NCOR2: variants seen among roughly 807,000 people sequenced by gnomAD.
NCOR2 encodes nuclear receptor corepressor 2.
NCOR2 carries 81 observed loss-of-function variants against 262.9 expected under a neutral mutation model. The observed-to-expected ratio is 0.31, with a 90% confidence interval of 0.26 to 0.37. The LOEUF is 0.37. NCOR2 is among the 10% of genes least tolerant of loss of function. NCOR2 has a pLI of 1.00. For synonymous variants in NCOR2, 1,659 were observed against 1,559.3 expected (o/e 1.06, Z -1.51); for missense variants, 3,385 against 3,621.4 (o/e 0.93, Z 1.68).
intron 12 of NCOR2, among the ~76,000 whole-genome samples, chr12:124,420,945 C>T (rs1046612777): frequency 6.6e-6 from 1 of 152,250 alleles, no homozygotes; most frequent in Admixed American, 6.5e-5. Context: ...GGCTCCCAGG[C>T]GGCCCCAGGC....
At chr12:124,374,647 T>C (rs2039848131) in intron 18 of NCOR2, among the ~76,000 whole-genome samples, 184 bp from the exon 21 acceptor site, 1 of 152,248 alleles carries the variant, frequency 6.6e-6, no homozygotes, top group Non-Finnish European at 1.5e-5. Flanking sequence ...CTCTGGGCTC[T>C]GGCCAGCGGC....
At chr12:124,514,982 C>T (rs949920156) in intron 1 of NCOR2, among the ~76,000 whole-genome samples, 8 of 152,066 alleles carry the variant, frequency 5.3e-5, no homozygotes, top group Non-Finnish European at 4.4e-5. Flanking sequence ...CCCATGCCCA[C>T]GGGACACAAG....
In NCOR2 at chr12:124,566,300, G is replaced by C. The variant is rs2052235125; in HGVS notation, c.-165+1008C>G. On this transcript the variant is annotated intron_variant, in intron 1 of 32. Coordinates refer to the NCOR2 transcript ENST00000458234. This position sits in a 1 kb window ranked among gnomAD's most constrained non-coding sequence, Gnocchi z 4.3. ...GCCTGCACCAGACCCTCGGAGAGCC[G>C]GAGCGCGCGACAGGCGGCGGGAGGA... is the stretch of plus-strand genomic sequence containing the variant. Among the ~76,000 whole-genome samples the C allele has an allele frequency of 6.6e-6, 1 of 152,208 alleles. No homozygotes were observed. The highest frequency in any genetic ancestry group is 1.5e-5 in the Non-Finnish European group (1 of 68,040).
chr12:124,533,548 C>T (rs1313220237), intron 1 of NCOR2, among the ~76,000 whole-genome samples: 1 of 152,098 alleles, frequency 6.6e-6, no homozygotes, highest in African/African-American at 2.4e-5. Context: ...CGCTAAGCGT[C>T]GCACTTACTG....
intron 7 of NCOR2, among the ~76,000 whole-genome samples, chr12:124,445,659 C>A (rs2045119954): frequency 6.6e-6 from 1 of 152,128 alleles, no homozygotes; most frequent in African/African-American, 2.4e-5. Context: ...CCACCTGACC[C>A]CGGCTGGATC....
chr12:124,419,910 G>C (rs756284994), intron 13 of NCOR2, 47 bp downstream of exon 15: 1 of 1,532,424 alleles, frequency 6.5e-7, no homozygotes, highest in South Asian at 1.1e-5. Flanking sequence ...TGGCCGCTGA[G>C]CATGCAGGGA....
intron 1 of NCOR2, among the ~76,000 whole-genome samples, chr12:124,543,447 G>A (rs2051441716): frequency 6.6e-6 from 1 of 152,224 alleles, no homozygotes; most frequent in Admixed American, 6.5e-5. Flanking sequence ...GACCCACACG[G>A]GGTTACCTGC....
At chr12:124,406,248 G>A (rs1439183757) in intron 13 of NCOR2, among the ~76,000 whole-genome samples, 1 of 152,192 alleles carries the variant, frequency 6.6e-6, no homozygotes, top group Non-Finnish European at 1.5e-5. Context: ...ATTTACAAAA[G>A]CAGGTGGTGG....
intron 16 of NCOR2, among the ~76,000 whole-genome samples, chr12:124,396,872 G>A (rs1257682842): frequency 6.6e-6 from 1 of 152,182 alleles, no homozygotes; most frequent in African/African-American, 2.4e-5. Flanking sequence ...TATGTGCCAA[G>A]AGCGTTTGCT....
intron 22 of NCOR2, among the ~76,000 whole-genome samples, chr12:124,361,176 A>C (rs988166910): frequency 6.7e-6 from 1 of 148,828 alleles, no homozygotes; most frequent in African/African-American, 2.5e-5. Context: ...GGCAGCGGGG[A>C]GGGGACAGCT....
In NCOR2 at chr12:124,450,017, C is replaced by G. The variant is rs554667133; in HGVS notation, c.763-150G>C. ...CAGGCATGAAACAGAACACAGGGAC[C>G]CAGCACGCAGCCCCAGCCAGGAACA... On this transcript the variant is annotated intron_variant, in intron 6 of 46. Coordinates refer to ENST00000405201, the Ensembl canonical transcript of NCOR2. 4.0e-6 allele frequency: 3 copies of G among 741,930 alleles called. No homozygotes were observed. The African/African-American group carries it at 5.3e-5, about 13-fold the overall frequency. The allele number at this position is 741,930 out of a possible 1,614,324, so 46.0% of individuals were successfully genotyped here.
At chr12:124,409,168 C>T (rs1346169409) in intron 13 of NCOR2, among the ~76,000 whole-genome samples, 2 of 152,194 alleles carry the variant, frequency 1.3e-5, no homozygotes, top group Non-Finnish European at 2.9e-5. Flanking sequence ...CTGTGCCAGC[C>T]GAGGCTCTGT....
At chr12:124,340,544 C>A (rs1051264588) in intron 35 of NCOR2, 58 bp downstream of exon 37, 2 of 1,530,648 alleles carry the variant, frequency 1.3e-6, no homozygotes, top group Non-Finnish European at 1.8e-6. Context: ...CCCGCCCATC[C>A]CCCAGCCGCC....
intron 1 of NCOR2, among the ~76,000 whole-genome samples, chr12:124,491,241 G>A (rs191928125): frequency 1.3e-5 from 2 of 152,368 alleles, no homozygotes; most frequent in Non-Finnish European, 2.9e-5. Flanking sequence ...AGCTACTAAA[G>A]GCGATGTTGT....
intron 20 of NCOR2, among the ~76,000 whole-genome samples, chr12:124,368,979 A>G (rs1468021482): frequency 6.6e-6 from 1 of 152,198 alleles, no homozygotes; most frequent in Non-Finnish European, 1.5e-5. Context: ...AAGGAGCTGC[A>G]CTCCAGCCCC....
intron 7 of NCOR2, among the ~76,000 whole-genome samples, chr12:124,441,887 G>A (rs542349353): frequency 6.6e-6 from 1 of 152,344 alleles, no homozygotes; most frequent in African/African-American, 2.4e-5. Context: ...CTTACCAGGA[G>A]GAAACACCTG....
chr12:124,432,915 C>T lies in NCOR2; in HGVS notation c.883-2128G>A, dbSNP rs1178961339. Among the ~76,000 whole-genome samples, 1 of 152,164 alleles carries T rather than the reference C, an allele frequency of 6.6e-6. No homozygotes were observed. Among genetic ancestry groups the T allele is most frequent in the African/African-American group, 2.4e-5 (1 of 41,444 alleles). ...ACGCAGGGCGAGCCACCCACACAACCCCAGTTACTCCACCTCTAACAGCTG... is the reference window on the plus strand; with the variant it reads ...ACGCAGGGCGAGCCACCCACACAACTCCAGTTACTCCACCTCTAACAGCTG... On this transcript the variant is annotated intron_variant, in intron 8 of 46. Coordinates refer to ENST00000405201, the Ensembl canonical transcript of NCOR2. This position sits in a 1 kb window ranked among gnomAD's most constrained non-coding sequence, Gnocchi z 5.1.
At chr12:124,463,609 A>G (rs909478332) in intron 5 of NCOR2, among the ~76,000 whole-genome samples, 1 of 152,256 alleles carries the variant, frequency 6.6e-6, no homozygotes, top group Non-Finnish European at 1.5e-5. Flanking sequence ...CCTGCCCGGC[A>G]GGGAAGCTGC....
At position 124,354,600 on chromosome 12, in the gene NCOR2, G is replaced by A. The variant is rs530545348; in HGVS notation, c.3485-18C>T. 4 of 1,531,960 alleles carry A rather than the reference G, an allele frequency of 2.6e-6. No individual in the cohort carries two copies. Among genetic ancestry groups the A allele is most frequent in the South Asian group, 2.5e-5 (2 of 79,738 alleles). The allele number at this position is 1,531,960 out of a possible 1,614,324, so 94.9% of individuals were successfully genotyped here. On this transcript the variant is annotated intron_variant, in intron 25 of 46. Transcript: ENST00000405201. ...GAAGGGTGCTGAGGACCAGTAAGAG[G>A]AGCGAGTCACGTGCTGCCGGAGCAG...
Sources: gnomAD v4.1 joint callset for allele counts (sites outside exome capture counted in the v4.1 genomes callset) on GRCh38, gnomAD v4.1.1 for gene constraint, Gnocchi (gnomAD v3.1) non-coding constraint, MANE v1.5 for transcripts, NCBI Gene and HGNC (gene_info 2026-07-23, HGNC 2026-07-21) for gene names.